The following AFG1L variants were observed in gnomAD, a reference collection of about 807,000 sequenced individuals.
AFG1L encodes AFG1 like ATPase.
AFG1L carries 53 observed loss-of-function variants against 62.2 expected under a neutral mutation model. The observed-to-expected ratio is 0.85, with a 90% CI of 0.68 to 1.07. The LOEUF (loss-of-function observed/expected upper bound fraction) is 1.07. Among genes scored for constraint, AFG1L ranks in the 50% least tolerant of loss-of-function variants. The pLI is 0.00. For synonymous variants in AFG1L, 228 were observed against 210.3 expected, an observed-to-expected ratio of 1.08 and a Z score of -0.73; for missense variants, 555 against 590.5, an observed-to-expected ratio of 0.94 and a Z score of 0.62.
intron 10 of AFG1L, among the ~76,000 whole-genome samples, chr6:108,478,800 A>G (rs1773225067): frequency 6.6e-6 from 1 of 152,202 alleles, no homozygotes; most frequent in Admixed American, 6.5e-5. Context: ...ACTGAGTTTT[A>G]TCCACATTTT....
chr6:108,441,140 T>A (rs1353161896), intron 7 of AFG1L, among the ~76,000 whole-genome samples: 1 of 152,220 alleles, frequency 6.6e-6, no homozygotes, highest in African/African-American at 2.4e-5. Flanking sequence ...TTTAAAAGAT[T>A]TTCTCCACAA....
At chr6:108,451,221 A>G (rs947113807) in intron 8 of AFG1L, among the ~76,000 whole-genome samples, 1 of 152,234 alleles carries the variant, frequency 6.6e-6, no homozygotes, top group Non-Finnish European at 1.5e-5. Context: ...TCATACAAGT[A>G]AAATCCCACA....
At chr6:108,433,700 C>T (rs1361679466) in intron 7 of AFG1L, among the ~76,000 whole-genome samples, 2 of 152,172 alleles carry the variant, frequency 1.3e-5, no homozygotes, top group African/African-American at 2.4e-5. Context: ...TCAAGCGATT[C>T]TCCTGCCTCG....
At chr6:108,311,487 TG>T (rs1323920989) in intron 1 of AFG1L, among the ~76,000 whole-genome samples, 1 of 152,186 alleles carries the variant, frequency 6.6e-6, no homozygotes, top group African/African-American at 2.4e-5. Flanking sequence ...GTCTACCTTT[TG>T]TTTTGTTTTG....
At chr6:108,439,665 C>T (rs1582589091) in intron 7 of AFG1L, among the ~76,000 whole-genome samples, 1 of 151,928 alleles carries the variant, frequency 6.6e-6, no homozygotes, top group Admixed American at 6.6e-5. Context: ...ATGACTGAGC[C>T]GGACACTTAT....
Position 108,356,761 on chromosome 6 carries a change from G to T in AFG1L, c.589G>T (p.Ala197Ser), listed in dbSNP as rs1296549158. ...CATGGCTAAATCATATGACCCAATAGCTCCCATAGCCGAAGAAATCAGCGA... is the reference window on the plus strand; with the variant it reads ...CATGGCTAAATCATATGACCCAATATCTCCCATAGCCGAAGAAATCAGCGA... ...GFMAKSYDPI[A>S]PIAEEISEEA... Residue 197 changes from alanine to serine, a missense_variant, in exon 5 of 13, where the codon GCT becomes TCT. Ala to Ser is a moderately conservative substitution (Grantham distance 99). Coordinates refer to ENST00000368977, the MANE Select transcript of AFG1L (RefSeq NM_145315.5). 1.2e-6 allele frequency: 2 copies of T among 1,613,086 alleles called. No homozygotes were observed. Among genetic ancestry groups the T allele is most frequent in the Non-Finnish European group, 1.7e-6 (2 of 1,179,342 alleles).
intron 1 of AFG1L, among the ~76,000 whole-genome samples, chr6:108,311,849 T>G (rs557553632): frequency 6.6e-6 from 1 of 152,080 alleles, no homozygotes; most frequent in Non-Finnish European, 1.5e-5. Context: ...AGTTATTTAT[T>G]TATTTATGTA....
chr6:108,520,492 G>C (rs1562210631), intron 12 of AFG1L: 1 of 152,152 alleles, frequency 6.6e-6, no homozygotes. Flanking sequence ...TATGAGATGT[G>C]TTTCTCAACT....
chr6:108,417,283 C>A (rs934244779), intron 7 of AFG1L, among the ~76,000 whole-genome samples: 125 of 122,434 alleles, frequency 1.0e-3, no homozygotes, highest in African/African-American at 3.8e-3. Flanking sequence ...CACACACACA[C>A]ACACAAAAAA....
At chr6:108,518,158 C>T (rs1017624675) in intron 11 of AFG1L, among the ~76,000 whole-genome samples, 1 of 152,108 alleles carries the variant, frequency 6.6e-6, no homozygotes, top group African/African-American at 2.4e-5. Flanking sequence ...ACTGGGTATA[C>T]ACCCAAAGGA....
intron 11 of AFG1L, among the ~76,000 whole-genome samples, chr6:108,510,928 T>C (rs1421234122): frequency 6.7e-6 from 1 of 150,004 alleles, no homozygotes; most frequent in Non-Finnish European, 1.5e-5. Flanking sequence ...AATAAGAAAA[T>C]TAGCTGGGTG....
At position 108,324,795 on chromosome 6, in the gene AFG1L, G is replaced by A. The variant is rs539865075; in HGVS notation, c.363+747G>A. On this transcript the variant is annotated intron_variant, in intron 2 of 12. Coordinates refer to ENST00000368977, the MANE Select transcript of AFG1L (RefSeq NM_145315.5). The stretch of plus-strand genomic sequence containing the variant: ...GGCAACCTTTGCCTCCTGGATTCAA[G>A]CGATCGTCCTGCCTCAGCCTCCCAA... 2.0e-4 allele frequency among the ~76,000 whole-genome samples: 30 copies of A among 151,692 alleles called. No homozygotes were observed. In the East Asian group the frequency reaches 5.9e-3, roughly 30 times the overall value.
At position 108,369,947 on chromosome 6, in the gene AFG1L, G is replaced by GATCTATCTCTCTAT. The variant is rs1554189699; in HGVS notation, c.748+3615_748+3616insATCTATCTCTCTAT. On this transcript the variant is annotated intron_variant, in intron 6 of 12. Coordinates refer to ENST00000368977, the MANE Select transcript of AFG1L (RefSeq NM_145315.5). ...GGCTGGCTGGCTGGCTGGCTGGCTG[G>GATCTATCTCTCTAT]CTATCTATCTATCTATCTATCTATC... Among the ~76,000 whole-genome samples, 15 of 130,248 alleles carry GATCTATCTCTCTAT rather than the reference G, an allele frequency of 1.2e-4. No individual in the cohort carries two copies. The East Asian group carries it at 3.4e-3, about 30-fold the overall frequency. The allele number at this position is 130,248 out of a possible 152,430, so 85.4% of individuals were successfully genotyped here.
chr6:108,452,118 A>G (rs1346905627), intron 8 of AFG1L, among the ~76,000 whole-genome samples: 1 of 152,210 alleles, frequency 6.6e-6, no homozygotes, highest in African/African-American at 2.4e-5. Context: ...TTGCATCTGG[A>G]TGGAGACTTG....
At chr6:108,352,311 T>C (rs780995465) in intron 3 of AFG1L, among the ~76,000 whole-genome samples, 1 of 152,244 alleles carries the variant, frequency 6.6e-6, no homozygotes, top group Non-Finnish European at 1.5e-5. Flanking sequence ...TATTATTGTG[T>C]ATTGCATATG....
Position 108,522,467 on chromosome 6 carries a change from C to T in AFG1L, c.*42C>T, listed in dbSNP as rs751552862. ...AATAAAACTCTAGACAAATGGTTAA[C>T]GCAGGCAGAACTCCTTATTGTGGGA... On this transcript the variant is annotated 3_prime_UTR_variant, in exon 13 of 13. Transcript: ENST00000368977. The T allele has an allele frequency of 1.1e-5, 18 of 1,577,516 alleles. No individual in the cohort carries two copies. The highest frequency in any genetic ancestry group is 3.4e-5 in the Admixed American group (2 of 58,920).
At position 108,295,182 on chromosome 6, in the gene AFG1L, C is replaced by T. The variant is rs766768493; in HGVS notation, c.103C>T (p.Pro35Ser). 1.2e-6 allele frequency: 2 copies of T among 1,606,996 alleles called. No individual in the cohort carries two copies. The highest frequency in any genetic ancestry group is 1.1e-5 in the South Asian group (1 of 91,058). The change falls in exon 1 of 13, where the codon CCT becomes TCT. Residue 35 changes from proline to serine, a missense_variant. Transcript: ENST00000368977. ...GCGAWAAALA[P>S]LATAPGKPFW... is the part of the protein sequence containing the mutation. ...CGGGGCCTGGGCCGCCGCTCTCGCT[C>T]CTCTGGCCACCGCCCCTGGGAAGCC...
At chr6:108,430,324 C>G (rs1391252662) in intron 7 of AFG1L, among the ~76,000 whole-genome samples, 1 of 152,186 alleles carries the variant, frequency 6.6e-6, no homozygotes, top group Non-Finnish European at 1.5e-5. Context: ...AAGAAATCAT[C>G]TAAGTTGAGG....
intron 11 of AFG1L, among the ~76,000 whole-genome samples, chr6:108,516,382 C>T (rs1230127017): frequency 1.3e-5 from 2 of 152,192 alleles, no homozygotes; most frequent in East Asian, 3.8e-4. Flanking sequence ...AGCATATCTA[C>T]AGAACCAAAG....
Sources: gnomAD v4.1 joint callset for allele counts (sites outside exome capture counted in the v4.1 genomes callset) on GRCh38, gnomAD v4.1.1 for gene constraint, MANE v1.5 for transcripts, NCBI Gene and HGNC (gene_info 2026-07-23, HGNC 2026-07-21) for gene names.